PTK2: variants seen among roughly 807,000 people sequenced by gnomAD.
PTK2 encodes the protein focal adhesion kinase 1.
In PTK2, 45 loss-of-function variants were observed where a neutral mutation model predicts 150.1. That is an observed-to-expected ratio of 0.30 (90% CI 0.24 to 0.38). The LOEUF (loss-of-function observed/expected upper bound fraction) is 0.38, where lower values mean the gene tolerates loss of function less well. PTK2 is among the 10% of genes least tolerant of loss of function. PTK2 has a pLI of 1.00. For missense variants in PTK2, 919 were observed against 1,307.3 expected, an observed-to-expected ratio of 0.70 and a Z score of 4.58; for synonymous variants, 432 against 449.2, an observed-to-expected ratio of 0.96 and a Z score of 0.48.
intron 2 of PTK2, among the ~76,000 whole-genome samples, chr8:140,899,228 T>G (rs961850251): frequency 6.6e-6 from 1 of 152,196 alleles, no homozygotes; most frequent in Non-Finnish European, 1.5e-5. Flanking sequence ...GGCTTCTGAC[T>G]CTGGCTAAGG....
intron 31 of PTK2, among the ~76,000 whole-genome samples, chr8:140,662,397 T>C (rs149147806): frequency 1.0e-3 from 154 of 152,286 alleles, no homozygotes; most frequent in African/African-American, 3.6e-3. Flanking sequence ...CTTTATCAAC[T>C]AGAGTAGGTG....
intron 27 of PTK2, among the ~76,000 whole-genome samples, chr8:140,678,265 C>T (rs2100014996): frequency 6.6e-6 from 1 of 152,182 alleles, no homozygotes; most frequent in Non-Finnish European, 1.5e-5. Flanking sequence ...CCAGGCTGGT[C>T]TCAAACTCCC....
chr8:140,891,289 TCAGA>T (rs1426181713), intron 2 of PTK2, among the ~76,000 whole-genome samples: 7 of 152,030 alleles, frequency 4.6e-5, no homozygotes, highest in Non-Finnish European at 8.8e-5. Context: ...AACAGGAGAA[TCAGA>T]CAGACAGCAA....
chr8:140,757,356 T>C lies in PTK2; in HGVS notation c.1332+3809A>G, dbSNP rs1413843372. On this transcript the variant is annotated intron_variant, in intron 16 of 31. Coordinates refer to ENST00000522684, the Ensembl canonical transcript of PTK2. ...GCCTCAAAGGGCAGAGTTAAGAGAC[T>C]GTGGAATATAGACAATACACCCATA... Among the ~76,000 whole-genome samples the C allele has an allele frequency of 2.0e-5, 3 of 152,132 alleles. 1 individual carries two copies. In the South Asian group the frequency reaches 6.2e-4, roughly 32 times the overall value.
chr8:140,976,810 A>C (rs1211489393), intron 1 of PTK2, among the ~76,000 whole-genome samples: 2 of 152,248 alleles, frequency 1.3e-5, no homozygotes, highest in African/African-American at 4.8e-5. Context: ...GCTGGAGTTT[A>C]AGTGGCTAGG....
chr8:140,793,755 C>G (rs909620012), intron 12 of PTK2, among the ~76,000 whole-genome samples: 1 of 152,184 alleles, frequency 6.6e-6, no homozygotes, highest in African/African-American at 2.4e-5. Context: ...CTAGTAACAA[C>G]AGAAAAACCT....
At chr8:140,878,523 C>A (rs1460334938) in intron 4 of PTK2, among the ~76,000 whole-genome samples, 1 of 151,964 alleles carries the variant, frequency 6.6e-6, no homozygotes, top group African/African-American at 2.4e-5. Flanking sequence ...TCGCTTGAGC[C>A]CAAGAGGCTG....
At chr8:140,906,377 G>A (rs544046600) in intron 2 of PTK2, among the ~76,000 whole-genome samples, 2 of 152,294 alleles carry the variant, frequency 1.3e-5, no homozygotes, top group South Asian at 4.1e-4. Flanking sequence ...GTATATTGAA[G>A]TGATATCTGC....
chr8:140,880,783 C>T (rs1015895371), intron 3 of PTK2, among the ~76,000 whole-genome samples: 2 of 152,118 alleles, frequency 1.3e-5, no homozygotes, highest in Non-Finnish European at 2.9e-5. Context: ...GTAACATGTA[C>T]CATATACAAA....
At position 140,902,435 on chromosome 8, in the gene PTK2, G is replaced by A. The variant is rs1003865930; in HGVS notation, c.-32-11666C>T. Among the ~76,000 whole-genome samples, 5 of 152,314 alleles carry A rather than the reference G, an allele frequency of 3.3e-5. No homozygotes were observed. The South Asian group carries it at 1.0e-3, about 32-fold the overall frequency. On this transcript the variant is annotated intron_variant, in intron 2 of 31. Coordinates refer to ENST00000522684, the Ensembl canonical transcript of PTK2. Reference sequence around the variant, plus strand: ...TTGCAATAAACATACATGTGCATGTGTCTTTATAGAATGATTTATAATCCT... The same window carrying A: ...TTGCAATAAACATACATGTGCATGTATCTTTATAGAATGATTTATAATCCT...
chr8:140,886,950 T>TA (rs1555321499), intron 3 of PTK2, among the ~76,000 whole-genome samples: 3 of 152,210 alleles, frequency 2.0e-5, no homozygotes, highest in Non-Finnish European at 4.4e-5. Context: ...TTATTCAACA[T>TA]TGTACAGCCT....
intron 8 of PTK2, chr8:140,821,938 G>A (rs771670910): frequency 2.0e-5 from 3 of 152,094 alleles, no homozygotes; most frequent in South Asian, 2.1e-4. Context: ...ACAAAAGTCC[G>A]AAAAGCATAT....
At position 140,850,099 on chromosome 8, in the gene PTK2, A is replaced by C. The variant is rs904457471; in HGVS notation, c.451-3421T>G. Among the ~76,000 whole-genome samples the C allele has an allele frequency of 3.8e-5, 3 of 79,760 alleles. No individual in the cohort carries two copies. The South Asian group carries it at 1.2e-3, about 32-fold the overall frequency. 52.3% of individuals were successfully genotyped at this position (79,760 alleles called of 152,430 possible). On this transcript the variant is annotated intron_variant, in intron 5 of 31. Coordinates refer to ENST00000522684, the Ensembl canonical transcript of PTK2. ...TCCAGGAAATTTGCAAGATCCTTCC[A>C]AAAAAAAAGACTTCTGAAAGTTGGT...
intron 14 of PTK2, among the ~76,000 whole-genome samples, chr8:140,769,900 T>G (rs184432865): frequency 6.6e-6 from 1 of 152,224 alleles, no homozygotes; most frequent in Admixed American, 6.5e-5. Context: ...GCAAAGTTAA[T>G]TTGACTGCCT....
intron 2 of PTK2, among the ~76,000 whole-genome samples, chr8:140,897,539 TTGG>T (rs542436971): frequency 1.7e-3 from 255 of 152,308 alleles, no homozygotes; most frequent in African/African-American, 5.9e-3. Context: ...AAGTACCCTG[TTGG>T]TGGCATTCAC....
intron 5 of PTK2, among the ~76,000 whole-genome samples, chr8:140,846,885 T>C (rs73714767): frequency 7.9e-5 from 12 of 152,128 alleles, no homozygotes; most frequent in Admixed American, 4.6e-4. Flanking sequence ...GTTAAAGATA[T>C]AAATAAATGT....
At chr8:140,896,240 T>C (rs1293251206) in intron 2 of PTK2, among the ~76,000 whole-genome samples, 1 of 152,178 alleles carries the variant, frequency 6.6e-6, no homozygotes, top group Non-Finnish European at 1.5e-5. Context: ...AATTAAGAAA[T>C]ATTAATCTTA....
At chr8:140,781,321 TATTA>T (rs2154568653) in intron 14 of PTK2, among the ~76,000 whole-genome samples, 1 of 152,352 alleles carries the variant, frequency 6.6e-6, no homozygotes, top group South Asian at 2.1e-4. Context: ...TTGAGAAGTT[TATTA>T]ATTATTGTTA....
chr8:140,891,473 C>CA (rs1272913112), intron 2 of PTK2, among the ~76,000 whole-genome samples: 1 of 152,036 alleles, frequency 6.6e-6, no homozygotes, highest in African/African-American at 2.4e-5. Flanking sequence ...GGCTCAGAGA[C>CA]AAAGATATTC....
Sources: allele counts gnomAD v4.1 joint callset (sites outside exome capture counted in the v4.1 genomes callset), GRCh38; gene constraint gnomAD v4.1.1; transcripts MANE v1.5; gene names NCBI Gene and HGNC (gene_info 2026-07-23, HGNC 2026-07-21).